Variants in OXR1 observed in about 807,000 individuals in gnomAD.
OXR1 encodes the protein oxidation resistance protein 1.
Under a neutral mutation model 104.6 loss-of-function variants are expected in OXR1, and 41 were observed. The observed-to-expected ratio is 0.39, with a 90% confidence interval of 0.31 to 0.51. The LOEUF is 0.51. OXR1 is among the 20% of genes least tolerant of loss of function. The pLI is 0.77. For missense variants in OXR1, 955 were observed against 1,031.9 expected, an observed-to-expected ratio of 0.93 and a Z score of 1.02; for synonymous variants, 348 against 348.4, an observed-to-expected ratio of 1.00 and a Z score of 0.01.
chr8:106,591,999 C>T (rs775944216), intron 3 of OXR1, among the ~76,000 whole-genome samples: 1 of 152,138 alleles, frequency 6.6e-6, no homozygotes, highest in Non-Finnish European at 1.5e-5. Context: ...TCCTTCTTCA[C>T]GTGTACTCAA....
intron 11 of OXR1, chr8:106,725,881 C>T (rs1563749847): frequency 1.1e-5 from 2 of 176,326 alleles, no homozygotes; most frequent in African/African-American, 2.4e-5. Flanking sequence ...ATTATATTTA[C>T]TACTTTTTTG....
intron 1 of OXR1, among the ~76,000 whole-genome samples, chr8:106,316,718 ATCTATCTATCT>A (rs1813965498): frequency 1.1e-4 from 1 of 9,092 alleles, no homozygotes; most frequent in Non-Finnish European, 2.9e-4. Flanking sequence ...TCTATCTATC[ATCTATCTATCT>A]ATCTATCTAT....
At chr8:106,388,342 CA>C (rs2130435268) in intron 2 of OXR1, among the ~76,000 whole-genome samples, 1 of 152,258 alleles carries the variant, frequency 6.6e-6, no homozygotes, top group African/African-American at 2.4e-5. Flanking sequence ...ATCCAGCATT[CA>C]AAGACCTGCA....
chr8:106,314,840 A>G (rs1379965829), intron 1 of OXR1, among the ~76,000 whole-genome samples: 2 of 152,238 alleles, frequency 1.3e-5, no homozygotes, highest in African/African-American at 4.8e-5. Flanking sequence ...ATGGGATTTT[A>G]TCTGCATTTT....
chr8:106,711,410 A>C (rs1831677103), intron 10 of OXR1, among the ~76,000 whole-genome samples: 1 of 152,144 alleles, frequency 6.6e-6, no homozygotes, highest in African/African-American at 2.4e-5. Flanking sequence ...TTGCATCATT[A>C]CTTTTTCTCT....
chr8:106,302,249 A>G (rs141471616), intron 1 of OXR1, among the ~76,000 whole-genome samples: 292 of 152,300 alleles, frequency 1.9e-3, no homozygotes, highest in African/African-American at 6.7e-3. Context: ...ATTCAGTTTA[A>G]TAAGTTTCAT....
chr8:106,618,267 G>C (rs1821407898), intron 3 of OXR1: 3 of 1,113,320 alleles, frequency 2.7e-6, no homozygotes, highest in Non-Finnish European at 3.9e-6. Flanking sequence ...CACACTTTAT[G>C]TTGCATTTTC....
intron 2 of OXR1, among the ~76,000 whole-genome samples, chr8:106,518,725 C>T (rs1813039964): frequency 6.6e-6 from 1 of 152,064 alleles, no homozygotes; most frequent in Non-Finnish European, 1.5e-5. Context: ...TTAATGCAAT[C>T]TTTCAAAATG....
intron 2 of OXR1, among the ~76,000 whole-genome samples, chr8:106,492,617 C>T (rs941799745): frequency 2.6e-5 from 4 of 152,168 alleles, no homozygotes; most frequent in African/African-American, 7.2e-5. Flanking sequence ...CCCCTCCAGG[C>T]TCTGGAAACA....
chr8:106,280,602 A>C (rs2130493487), intron 1 of OXR1, among the ~76,000 whole-genome samples: 1 of 152,218 alleles, frequency 6.6e-6, no homozygotes, highest in Non-Finnish European at 1.5e-5. Context: ...GTCAGTGTTT[A>C]ATGGGTACAG....
chr8:106,525,897 T>C (rs982304341), intron 3 of OXR1, among the ~76,000 whole-genome samples: 1 of 152,224 alleles, frequency 6.6e-6, no homozygotes, highest in African/African-American at 2.4e-5. Flanking sequence ...TCCAATGTTC[T>C]TTACACAGCC....
intron 2 of OXR1, among the ~76,000 whole-genome samples, chr8:106,388,600 T>A (rs1280823543): frequency 1.3e-5 from 2 of 152,090 alleles, no homozygotes; most frequent in African/African-American, 4.8e-5. Context: ...TTTTTTGTAT[T>A]TTTAGTAGAG....
chr8:106,439,704 C>T (rs1412448531), intron 2 of OXR1, among the ~76,000 whole-genome samples: 2 of 152,054 alleles, frequency 1.3e-5, no homozygotes, highest in Non-Finnish European at 2.9e-5. Context: ...TGCCCTGCTA[C>T]CTGCTAGGAG....
intron 11 of OXR1, among the ~76,000 whole-genome samples, chr8:106,716,698 A>G (rs1832297312): frequency 6.6e-6 from 1 of 152,062 alleles, no homozygotes; most frequent in South Asian, 2.1e-4. Flanking sequence ...ATGGAAAGAA[A>G]AAAGAATGTA....
At chr8:106,581,250 A>C (rs1455886138) in intron 3 of OXR1, 1 of 1,287,466 alleles carries the variant, frequency 7.8e-7, no homozygotes, top group Non-Finnish European at 1.0e-6. Flanking sequence ...TGAAGCTGAG[A>C]AGTAAGTTTC....
At chr8:106,717,338 C>T (rs1018119153) in intron 11 of OXR1, among the ~76,000 whole-genome samples, 5 of 152,044 alleles carry the variant, frequency 3.3e-5, no homozygotes, top group Non-Finnish European at 7.4e-5. Context: ...TCAGAATGTG[C>T]CGTGATGTTT....
intron 3 of OXR1, among the ~76,000 whole-genome samples, chr8:106,555,912 G>A (rs139837087): frequency 0.012 from 1,277 of 103,362 alleles, 12 homozygotes; most frequent in Non-Finnish European, 0.018. Context: ...ATGTGTGTAG[G>A]CATACGTATA....
chr8:106,657,876 C>G (rs1825283182), intron 3 of OXR1: 1 of 1,241,876 alleles, frequency 8.1e-7, no homozygotes, highest in Non-Finnish European at 1.0e-6. Context: ...GCGCGCGGAG[C>G]CGCCTCCCCT....
At chr8:106,357,842 T>TA in intron 1 of OXR1, among the ~76,000 whole-genome samples, 1 of 152,076 alleles carries the variant, frequency 6.6e-6, no homozygotes, top group South Asian at 2.1e-4. Context: ...TTGCAGTAAG[T>TA]AAAAAAACCA....
Sources: allele counts gnomAD v4.1 joint callset (sites outside exome capture counted in the v4.1 genomes callset), GRCh38; gene constraint gnomAD v4.1.1; transcripts MANE v1.5; gene names NCBI Gene and HGNC (gene_info 2026-07-23, HGNC 2026-07-21).